AGAP1: variants seen among roughly 807,000 people sequenced by gnomAD.
The protein encoded by AGAP1 is ArfGAP with GTPase domain, ankyrin repeat and PH domain 1.
A neutral mutation model predicts 105.3 loss-of-function variants in AGAP1; 29 were observed. The observed-to-expected ratio is 0.28, with a 90% CI of 0.21 to 0.38. AGAP1 has a LOEUF of 0.38. Among genes scored for constraint, AGAP1 ranks in the 10% least tolerant of loss-of-function variants. The pLI is 1.00. For synonymous variants in AGAP1, 509 were observed against 485.9 expected, an observed-to-expected ratio of 1.05 and a Z score of -0.63; for missense variants, 998 against 1,165.1, an observed-to-expected ratio of 0.86 and a Z score of 2.09.
In AGAP1 at chr2:235,981,050, C is replaced by G. The variant is rs1352116716; in HGVS notation, c.1645+12427C>G. Among the ~76,000 whole-genome samples the G allele has an allele frequency of 1.3e-5, 2 of 152,162 alleles. No individual in the cohort carries two copies. The highest frequency in any genetic ancestry group is 4.8e-5 in the African/African-American group (2 of 41,418). On this transcript the variant is annotated intron_variant, in intron 13 of 17. Transcript: ENST00000304032. This position sits in a 1 kb window ranked among gnomAD's most constrained non-coding sequence, Gnocchi z 5.5. ...TGTCTTAGAATGATTAGGAAAACTT[C>G]TAAGGTGTTTTATTTTTTTGTTTTA...
Position 235,752,485 on chromosome 2 carries a change from A to C in AGAP1, c.673+1997A>C, listed in dbSNP as rs935850109. On this transcript the variant is annotated intron_variant, in intron 6 of 17. Transcript: ENST00000304032. This position sits in a 1 kb window ranked among gnomAD's most constrained non-coding sequence, Gnocchi z 4.3. ...TGAGCCACCGCGCCTGGCTGTAAAT[A>C]GACTTTTCATGACGCAGAGCCACGC... is the stretch of plus-strand genomic sequence containing the variant. Among the ~76,000 whole-genome samples the C allele has an allele frequency of 6.6e-6, 1 of 152,136 alleles. No homozygotes were observed. The highest frequency in any genetic ancestry group is 2.4e-5 in the African/African-American group (1 of 41,432).
chr2:236,032,099 C>A (rs780440113), intron 13 of AGAP1, among the ~76,000 whole-genome samples: 1 of 152,198 alleles, frequency 6.6e-6, no homozygotes, highest in Non-Finnish European at 1.5e-5. Flanking sequence ...CTAAGAGATC[C>A]TCCTCTTTTT....
chr2:236,101,684 C>T lies in AGAP1; in HGVS notation c.2115-18508C>T, dbSNP rs1401411697. On this transcript the variant is annotated intron_variant, in intron 16 of 17. Transcript: ENST00000304032. The surrounding 1 kb of genome is among the most constrained non-coding windows in gnomAD (Gnocchi z 4.9). ...TTTATGATGCGATATGTTCCAAAGC[C>T]GATCACATCAGCCGCTGTTATGGTG... 2.0e-5 allele frequency among the ~76,000 whole-genome samples: 3 copies of T among 152,194 alleles called. No individual in the cohort carries two copies. Among genetic ancestry groups the T allele is most frequent in the East Asian group, 3.9e-4 (2 of 5,188 alleles).
intron 6 of AGAP1, among the ~76,000 whole-genome samples, chr2:235,765,307 G>A (rs907391951): frequency 2.0e-5 from 3 of 151,634 alleles, no homozygotes; most frequent in African/African-American, 4.9e-5. Flanking sequence ...TGGGGTGGGC[G>A]TATCTGGGAG....
At chr2:235,803,082 AT>A (rs1432302261) in intron 8 of AGAP1, among the ~76,000 whole-genome samples, 3 of 25,396 alleles carry the variant, frequency 1.2e-4, no homozygotes, top group African/African-American at 4.1e-4. Context: ...GATGGTGATG[AT>A]GGTTGTGGTG....
rs2051272947 is a variant in AGAP1 at position 235,905,733 on chromosome 2, A to G, written c.1156-3005A>G. Among the ~76,000 whole-genome samples the G allele has an allele frequency of 6.6e-6, 1 of 152,128 alleles. No homozygotes were observed. Among genetic ancestry groups the G allele is most frequent in the Admixed American group, 6.5e-5 (1 of 15,270 alleles). On this transcript the variant is annotated intron_variant, in intron 10 of 17. Coordinates refer to ENST00000304032, the MANE Select transcript of AGAP1 (RefSeq NM_001037131.3). The surrounding 1 kb of genome is among the most constrained non-coding windows in gnomAD (Gnocchi z 4.2). Reference sequence around the variant, plus strand: ...AGGCTGGTCTTGAACTCCTGACCTCAAGTGATCCACTCTCCTCGGCCTCCC... The same window carrying G: ...AGGCTGGTCTTGAACTCCTGACCTCGAGTGATCCACTCTCCTCGGCCTCCC...
At chr2:235,591,447 G>A (rs946457042) in intron 1 of AGAP1, among the ~76,000 whole-genome samples, 8 of 152,184 alleles carry the variant, frequency 5.3e-5, no homozygotes, top group Non-Finnish European at 7.3e-5. Context: ...CAACAAAGGC[G>A]CACGGATTTG....
rs558933960 is a variant in AGAP1, at chr2:235,566,936, C to T, written c.163+72087C>T. Among the ~76,000 whole-genome samples, 1 of 152,366 alleles carries T rather than the reference C, an allele frequency of 6.6e-6. No homozygotes were observed. The highest frequency in any genetic ancestry group is 1.5e-5 in the Non-Finnish European group (1 of 68,036). Reference sequence around the variant, plus strand: ...AGGATTCCTCCTAGCCTTTTCCGGCCTCTGGTGGCCCCTGGCAATCCTTGG... The same window carrying T: ...AGGATTCCTCCTAGCCTTTTCCGGCTTCTGGTGGCCCCTGGCAATCCTTGG... On this transcript the variant is annotated intron_variant, in intron 1 of 17. Coordinates refer to ENST00000304032, the MANE Select transcript of AGAP1 (RefSeq NM_001037131.3). This position sits in a 1 kb window ranked among gnomAD's most constrained non-coding sequence, Gnocchi z 5.2.
At chr2:236,022,860 T>G (rs934589879) in intron 13 of AGAP1, among the ~76,000 whole-genome samples, 1 of 152,128 alleles carries the variant, frequency 6.6e-6, no homozygotes, top group Non-Finnish European at 1.5e-5. Flanking sequence ...TTCACATCAG[T>G]CTTTTCCTAC....
At position 235,614,303 on chromosome 2, in the gene AGAP1, C is replaced by T. The variant is rs550497742; in HGVS notation, c.164-94876C>T. On this transcript the variant is annotated intron_variant, in intron 1 of 17. Coordinates refer to ENST00000304032, the MANE Select transcript of AGAP1 (RefSeq NM_001037131.3). This position sits in a 1 kb window ranked among gnomAD's most constrained non-coding sequence, Gnocchi z 4.7. ...GTGGCTGGTGCTGGAGCGTGTATAA[C>T]AAAAGTGGGATCCGGAAAGGGCTGC... 6.8e-4 allele frequency among the ~76,000 whole-genome samples: 104 copies of T among 152,138 alleles called. No homozygotes were observed. The highest frequency in any genetic ancestry group is 6.8e-3 in the Middle Eastern group (2 of 294).
At position 236,082,389 on chromosome 2, in the gene AGAP1, C is replaced by A. The variant is rs1043637951; in HGVS notation, c.2114+33108C>A. 6.6e-6 allele frequency among the ~76,000 whole-genome samples: 1 copy of A among 152,188 alleles called. No individual in the cohort carries two copies. Among genetic ancestry groups the A allele is most frequent in the African/African-American group, 2.4e-5 (1 of 41,442 alleles). Reference sequence around the variant, plus strand: ...CTCTTCCAGCTGCGACCAGCAGGGTCATTAATTAGGCATGTGGTGGGAGCT... The same window carrying A: ...CTCTTCCAGCTGCGACCAGCAGGGTAATTAATTAGGCATGTGGTGGGAGCT... On this transcript the variant is annotated intron_variant, in intron 16 of 17. Coordinates refer to ENST00000304032, the MANE Select transcript of AGAP1 (RefSeq NM_001037131.3). This position sits in a 1 kb window ranked among gnomAD's most constrained non-coding sequence, Gnocchi z 4.2.
chr2:236,125,663 G>C lies in AGAP1; in HGVS notation c.*1541G>C, dbSNP rs1447195249. ...GAAGGCAGCTGCCAATGGTTCTGTG[G>C]CACAGACTGGCTCCTGAGAACCCAG... is the stretch of plus-strand genomic sequence containing the variant. On this transcript the variant is annotated 3_prime_UTR_variant, in exon 18 of 18. Coordinates refer to ENST00000304032, the MANE Select transcript of AGAP1 (RefSeq NM_001037131.3). This position sits in a 1 kb window ranked among gnomAD's most constrained non-coding sequence, Gnocchi z 5.2. 1 of 152,194 alleles carries C rather than the reference G, an allele frequency of 6.6e-6. No individual in the cohort carries two copies. Among genetic ancestry groups the C allele is most frequent in the African/African-American group, 2.4e-5 (1 of 41,446 alleles). The allele number at this position is 152,194 out of a possible 1,614,324, so 9.4% of individuals were successfully genotyped here. A position where few individuals can be genotyped will look rare whatever the true frequency, so the allele number is the denominator to read the frequency against.
rs760137870 is a variant in AGAP1 at position 235,799,469 on chromosome 2, A to G, written c.904A>G (p.Asn302Asp). Residue 302 changes from asparagine to aspartate, a missense_variant, in exon 8 of 18, where the codon AAC (asparagine) becomes GAC (aspartate). Physicochemically the swap from Asn to Asp is conservative, Grantham distance 23. Around this residue, in one of 3 missense-constraint regions of AGAP1, gnomAD observed 735 missense variants for 833.4 expected, o/e 0.88. Coordinates refer to ENST00000304032, the MANE Select transcript of AGAP1 (RefSeq NM_001037131.3). This position sits in a 1 kb window ranked among gnomAD's most constrained non-coding sequence, Gnocchi z 5.0. The part of the protein sequence containing the change: ...ELRIDVPPTA[N>D]TPTPVRKQSK... Reference sequence around the variant, plus strand: ...TCGGATCGATGTTCCTCCCACTGCCAACACGCCCACGCCCGTTCGCAAGCA... The same window carrying G: ...TCGGATCGATGTTCCTCCCACTGCCGACACGCCCACGCCCGTTCGCAAGCA... 1 of 1,614,188 alleles carries G rather than the reference A, an allele frequency of 6.2e-7. No homozygotes were observed. The highest frequency in any genetic ancestry group is 1.7e-5 in the Admixed American group (1 of 60,024).
chr2:235,862,494 G>A (rs2048968361), intron 9 of AGAP1, among the ~76,000 whole-genome samples: 1 of 152,214 alleles, frequency 6.6e-6, no homozygotes, highest in South Asian at 2.1e-4. Flanking sequence ...AGACTGCGTG[G>A]AGTGCTGTGT....
At chr2:236,023,268 G>A in intron 13 of AGAP1, among the ~76,000 whole-genome samples, 1 of 152,162 alleles carries the variant, frequency 6.6e-6, no homozygotes, top group Non-Finnish European at 1.5e-5. Context: ...GAAAAGGAGA[G>A]AGAGCTTCCC....
chr2:235,833,223 C>T (rs763011407), intron 9 of AGAP1, among the ~76,000 whole-genome samples: 8 of 152,202 alleles, frequency 5.3e-5, no homozygotes, highest in Non-Finnish European at 1.2e-4. Context: ...TGCCGCCGTG[C>T]TGAGTGATGC....
rs200544939 is a variant in AGAP1 at position 235,968,602 on chromosome 2, G to A, written c.1624G>A (p.Gly542Ser). ...AAGCACTAGCAACTTCAAAGCCGAC[G>A]GCCTGTCCGGCACTGCTGAAGGTAA... ...KKSTSNFKAD[G>S]LSGTAEEQEE... The change falls in exon 13 of 18, where the codon GGC (glycine) becomes AGC (serine). Residue 542 changes from glycine to serine, a missense_variant. Physicochemically the swap from Gly to Ser is moderately conservative, Grantham distance 56. Around this residue, in one of 3 missense-constraint regions of AGAP1, gnomAD observed 735 missense variants for 833.4 expected, o/e 0.88. Coordinates refer to ENST00000304032, the MANE Select transcript of AGAP1 (RefSeq NM_001037131.3). The A allele has an allele frequency of 7.2e-5, 116 of 1,608,436 alleles. No individual in the cohort carries two copies. Among genetic ancestry groups the A allele is most frequent in the Admixed American group, 6.1e-4 (36 of 58,992 alleles).
chr2:236,084,828 C>T (rs923387490), intron 16 of AGAP1, among the ~76,000 whole-genome samples: 15 of 151,680 alleles, frequency 9.9e-5, no homozygotes, highest in African/African-American at 1.5e-4. Flanking sequence ...CACTTGAACC[C>T]GGGAGGCAGA....
rs1162096274 is a variant in AGAP1 at position 235,573,036 on chromosome 2, CTT to C, written c.163+78188_163+78189del. Among the ~76,000 whole-genome samples the C allele has an allele frequency of 5.3e-4, 11 of 20,738 alleles. 2 individuals are homozygous for C. The highest frequency in any genetic ancestry group is 4.2e-3 in the African/African-American group (10 of 2,374). 13.6% of individuals were successfully genotyped at this position (20,738 alleles called of 152,430 possible). Reference sequence around the variant, plus strand: ...TCTTCTTCTTCTTCTTCTTCTTCTTCTTCTTCTTCTTCTTCTTCTTCTTCTTT... The same window carrying C: ...TCTTCTTCTTCTTCTTCTTCTTCTTCCTTCTTCTTCTTCTTCTTCTTCTTT... On this transcript the variant is annotated intron_variant, in intron 1 of 17. Transcript: ENST00000304032.
Sources: allele counts gnomAD v4.1 joint callset (sites outside exome capture counted in the v4.1 genomes callset), GRCh38; gene constraint gnomAD v4.1.1; regional missense constraint gnomAD v4.1.1; non-coding constraint Gnocchi (gnomAD v3.1); transcripts MANE v1.5; gene names NCBI Gene and HGNC (gene_info 2026-07-23, HGNC 2026-07-21).